Variants in PTPRU observed in about 807,000 individuals in gnomAD.
The protein encoded by PTPRU is protein tyrosine phosphatase receptor type U, also known as receptor-type tyrosine-protein phosphatase U.
PTPRU carries 69 observed loss-of-function variants against 166.3 expected under a neutral mutation model. The observed-to-expected ratio is 0.41, with a 90% CI of 0.34 to 0.51. PTPRU has a LOEUF of 0.51. Ranked by LOEUF, PTPRU falls within the 20% of genes least tolerant of loss-of-function variation. The pLI is 0.09. For missense variants in PTPRU, 1,657 were observed against 2,013.7 expected, an observed-to-expected ratio of 0.82 and a Z score of 3.39; for synonymous variants, 793 against 814.0, an observed-to-expected ratio of 0.97 and a Z score of 0.44.
intron 16 of PTPRU, 75 bp downstream of exon 16, chr1:29,304,120 C>T: frequency 6.6e-7 from 1 of 1,504,092 alleles, no homozygotes; most frequent in East Asian, 2.3e-5. Flanking sequence ...GACTCTGACC[C>T]TGGCAACCCT....
intron 18 of PTPRU, chr1:29,307,016 C>A: frequency 8.2e-7 from 1 of 1,223,088 alleles, no homozygotes; most frequent in Non-Finnish European, 1.2e-6. Context: ...GCTCTGCCTG[C>A]CCTGCTCACA....
At position 29,320,696 on chromosome 1, in the gene PTPRU, G is replaced by T; in HGVS notation, c.3699G>T (p.Arg1233=). ...INAALTDSYT[R]SAAFIVTLHP... ...CGGTTTCCCTGCAGAGCTACACACGGAGTGCGGCCTTCATCGTGACCCTGC... is the reference window on the plus strand; with the variant it reads ...CGGTTTCCCTGCAGAGCTACACACGTAGTGCGGCCTTCATCGTGACCCTGC... Residue 1233 remains arginine (R), a synonymous_variant, in exon 26 of 30, where the codon CGG becomes CGT. Coordinates refer to ENST00000373779, the MANE Select transcript of PTPRU (RefSeq NM_133178.4). This position sits in a 1 kb window ranked among gnomAD's most constrained non-coding sequence, Gnocchi z 5.2. 1 of 1,593,580 alleles carries T rather than the reference G, an allele frequency of 6.3e-7. No homozygotes were observed. The highest frequency in any genetic ancestry group is 8.6e-7 in the Non-Finnish European group (1 of 1,165,068).
intron 15 of PTPRU, among the ~76,000 whole-genome samples, chr1:29,295,367 A>G (rs1306241425): frequency 1.3e-5 from 2 of 152,116 alleles, no homozygotes; most frequent in Non-Finnish European, 2.9e-5. Context: ...TATAAATTTT[A>G]GAGTCATCTC....
At chr1:29,253,398 A>C (rs1203078622) in intron 1 of PTPRU, among the ~76,000 whole-genome samples, 1 of 152,122 alleles carries the variant, frequency 6.6e-6, no homozygotes, top group East Asian at 1.9e-4. Flanking sequence ...GGTATGGGGC[A>C]GGACCCTCTC....
At chr1:29,307,021 C>T (rs1687422570) in intron 18 of PTPRU, 3 of 1,285,008 alleles carry the variant, frequency 2.3e-6, no homozygotes, top group Non-Finnish European at 3.4e-6. Flanking sequence ...GCCTGCCCTG[C>T]TCACATCGCC....
At chr1:29,256,577 C>T (rs1363009663) in intron 2 of PTPRU, among the ~76,000 whole-genome samples, 2 of 152,230 alleles carry the variant, frequency 1.3e-5, no homozygotes, top group Non-Finnish European at 2.9e-5. Context: ...CCTGCGGACT[C>T]TCATGGCTTG....
At chr1:29,297,473 G>T (rs1686944868) in intron 15 of PTPRU, among the ~76,000 whole-genome samples, 1 of 152,198 alleles carries the variant, frequency 6.6e-6, no homozygotes, top group African/African-American at 2.4e-5. Flanking sequence ...TTAAATGCAA[G>T]TCTTTCTGAA....
intron 8 of PTPRU, among the ~76,000 whole-genome samples, chr1:29,277,800 A>ATTCTT (rs1214106819): frequency 4.8e-5 from 2 of 41,782 alleles, no homozygotes; most frequent in Non-Finnish European, 1.1e-4. Flanking sequence ...CACAGTTGTC[A>ATTCTT]TTCTTTTTTT....
In PTPRU at chr1:29,305,366, G is replaced by C. The variant is rs766779244; in HGVS notation, c.2758G>C (p.Val920Leu). ...TGTGTTTACAGATGATCGGCACCGAGTGAAACTGCACCCGATGCTGGGAGA... is the reference window on the plus strand; with the variant it reads ...TGTGTTTACAGATGATCGGCACCGACTGAAACTGCACCCGATGCTGGGAGA... ...EPMPAYDRHR[V>L]KLHPMLGDPN... Residue 920 changes from valine to leucine, a missense_variant, in exon 18 of 30, where the codon GTG becomes CTG. Coordinates refer to ENST00000373779, the MANE Select transcript of PTPRU (RefSeq NM_133178.4). The C allele has an allele frequency of 6.2e-7, 1 of 1,613,978 alleles. No individual in the cohort carries two copies. The highest frequency in any genetic ancestry group is 1.1e-5 in the South Asian group (1 of 91,088).
chr1:29,309,989 C>T (rs1317209484), intron 18 of PTPRU, among the ~76,000 whole-genome samples: 1 of 152,152 alleles, frequency 6.6e-6, no homozygotes, highest in African/African-American at 2.4e-5. Flanking sequence ...GGCAGGACCT[C>T]ATGGGTGGCT....
intron 25 of PTPRU, among the ~76,000 whole-genome samples, 189 bp downstream of exon 25, chr1:29,318,110 C>A (rs900307536): frequency 6.6e-6 from 1 of 152,326 alleles, no homozygotes; most frequent in Non-Finnish European, 1.5e-5. Context: ...CAGTGCCCCC[C>A]ACACTCTGCC....
chr1:29,315,461 G>C lies in PTPRU; in HGVS notation c.3317G>C (p.Cys1106Ser). The change falls in exon 23 of 30, where the codon TGT (cysteine) becomes TCT (serine). Residue 1106 changes from cysteine (C) to serine (S), a missense_variant. Transcript: ENST00000373779. This position sits in a 1 kb window ranked among gnomAD's most constrained non-coding sequence, Gnocchi z 4.5. ...GAGGGCGTCGTGGACATTTACAACTGTGTGAAGACTCTCTGCTCCCGGCGT... is the reference window on the plus strand; with the variant it reads ...GAGGGCGTCGTGGACATTTACAACTCTGTGAAGACTCTCTGCTCCCGGCGT... ...ECEGVVDIYN[C>S]VKTLCSRRVN... The C allele has an allele frequency of 6.2e-7, 1 of 1,614,166 alleles. No individual in the cohort carries two copies. The highest frequency in any genetic ancestry group is 8.5e-7 in the Non-Finnish European group (1 of 1,180,032).
chr1:29,303,892 C>T lies in PTPRU; in HGVS notation c.2514C>T (p.Ser838=). ...GCGGTGGGGTCACTGAGGCCAGCAGCCTCCTGGGGGGCTCCCCGAGGCGTC... is the reference window on the plus strand; with the variant it reads ...GCGGTGGGGTCACTGAGGCCAGCAGTCTCCTGGGGGGCTCCCCGAGGCGTC... The part of the protein sequence containing the change: ...QRSGGVTEAS[S]LLGGSPRRPC... The change falls in exon 16 of 30, where the codon AGC becomes AGT. Residue 838 remains serine, a synonymous_variant. Coordinates refer to ENST00000373779, the MANE Select transcript of PTPRU (RefSeq NM_133178.4). 6.2e-7 allele frequency: 1 copy of T among 1,612,852 alleles called. No homozygotes were observed. The highest frequency in any genetic ancestry group is 1.3e-5 in the African/African-American group (1 of 75,034).
Position 29,317,982 on chromosome 1 carries a change from C to T in PTPRU, c.3687+61C>T. On this transcript the variant is annotated intron_variant, in intron 25 of 29. Coordinates refer to ENST00000373779, the MANE Select transcript of PTPRU (RefSeq NM_133178.4). The surrounding 1 kb of genome is among the most constrained non-coding windows in gnomAD (Gnocchi z 5.6). ...CCTTCCCAGCAGCATCAGGGAAGGT[C>T]CAGGGGCCACGGGAACAAAGCTGAA... 1.9e-6 allele frequency: 3 copies of T among 1,578,110 alleles called. No homozygotes were observed. Among genetic ancestry groups the T allele is most frequent in the East Asian group, 2.3e-5 (1 of 44,346 alleles).
intron 2 of PTPRU, among the ~76,000 whole-genome samples, chr1:29,256,898 G>C (rs1684796064): frequency 6.6e-6 from 1 of 152,132 alleles, no homozygotes; most frequent in Admixed American, 6.5e-5. Context: ...AAGGGGAGAG[G>C]GGAATTTAGC....
At chr1:29,241,913 A>T (rs1048999213) in intron 1 of PTPRU, among the ~76,000 whole-genome samples, 3 of 148,952 alleles carry the variant, frequency 2.0e-5, no homozygotes, top group Non-Finnish European at 4.4e-5. Flanking sequence ...TTTTATTCAG[A>T]TGGAGTCTCG....
In PTPRU at chr1:29,255,483, G is replaced by A. The variant is rs555173604; in HGVS notation, c.205+77G>A. The A allele has an allele frequency of 2.2e-5, 35 of 1,577,524 alleles. No individual in the cohort carries two copies. The African/African-American group carries it at 4.3e-4, about 19-fold the overall frequency. On this transcript the variant is annotated intron_variant, in intron 2 of 29. Coordinates refer to ENST00000373779, the MANE Select transcript of PTPRU (RefSeq NM_133178.4). Reference sequence around the variant, plus strand: ...TCTACCCACCTGCTGTGTGACCTTGGGCACATTACTTAACCTCTCTGGGCC... The same window carrying A: ...TCTACCCACCTGCTGTGTGACCTTGAGCACATTACTTAACCTCTCTGGGCC...
At chr1:29,289,698 C>T in intron 14 of PTPRU, 2 of 1,614,056 alleles carry the variant, frequency 1.2e-6, no homozygotes. Context: ...ACCACTATGC[C>T]TACTCCTACT....
chr1:29,278,079 C>G (rs1574651889), intron 8 of PTPRU, among the ~76,000 whole-genome samples: 1 of 152,128 alleles, frequency 6.6e-6, no homozygotes, highest in South Asian at 2.1e-4. Context: ...CTCGGCCTCC[C>G]AAAGGTGCTG....
Sources: allele counts gnomAD v4.1 joint callset (sites outside exome capture counted in the v4.1 genomes callset), GRCh38; gene constraint gnomAD v4.1.1; non-coding constraint Gnocchi (gnomAD v3.1); transcripts MANE v1.5; gene names NCBI Gene and HGNC (gene_info 2026-07-23, HGNC 2026-07-21).